The following MEGF11 variants were observed in gnomAD, a reference collection of about 807,000 sequenced individuals.
The protein encoded by MEGF11 is multiple epidermal growth factor-like domains protein 11.
A neutral mutation model predicts 146.6 loss-of-function variants in MEGF11; 126 were observed. The ratio of observed to expected loss-of-function variants is 0.86; its 90% CI spans 0.74 to 1.00. MEGF11 has a LOEUF of 1.00. MEGF11 is among the 50% of genes least tolerant of loss of function. The pLI is 0.00. For missense variants in MEGF11, 1,509 were observed against 1,521.2 expected (o/e 0.99, Z 0.13); for synonymous variants, 532 against 583.4 (o/e 0.91, Z 1.27).
Position 65,965,081 on chromosome 15 carries a change from C to G in MEGF11, c.939G>C (p.Gln313His). 6.3e-7 allele frequency: 1 copy of G among 1,597,222 alleles called. No individual in the cohort carries two copies. ...EECPFGSFGF[Q>H]CSQHCDCHNG... is the part of the protein sequence containing the mutation. ...TGTGGCAGTCACAGTGCTGTGAGCA[C>G]TGGAAGCCGAAGGACCCGAAGGGGC... Residue 313 changes from glutamine to histidine, a missense_variant, in exon 9 of 26, where the codon CAG (glutamine) becomes CAC (histidine). Transcript: ENST00000395614.
At chr15:66,116,044 G>A (rs373122441) in intron 4 of MEGF11, among the ~76,000 whole-genome samples, 1 of 152,092 alleles carries the variant, frequency 6.6e-6, no homozygotes, top group African/African-American at 2.4e-5. Flanking sequence ...TGCACCTCCC[G>A]CTGCAGCCCA....
At position 65,910,025 on chromosome 15, in the gene MEGF11, C is replaced by G. The variant is rs995398494; in HGVS notation, c.2830-219G>C. ...AACATACCCCACCCCAGCTGTTGGG[C>G]TGAAGTTGTAGGGTTCCCAGGCCTC... is the stretch of plus-strand genomic sequence containing the variant. On this transcript the variant is annotated intron_variant, in intron 21 of 25. Transcript: ENST00000395614. 13 of 676,660 alleles carry G rather than the reference C, an allele frequency of 1.9e-5. No homozygotes were observed. The African/African-American group carries it at 1.9e-4, about 10-fold the overall frequency. The allele number at this position is 676,660 out of a possible 1,614,324, so 41.9% of individuals were successfully genotyped here. A position where few individuals can be genotyped will look rare whatever the true frequency, so the allele number is the denominator to read the frequency against.
chr15:66,033,335 T>C (rs1377390423), intron 5 of MEGF11, among the ~76,000 whole-genome samples: 1 of 152,154 alleles, frequency 6.6e-6, no homozygotes, highest in Non-Finnish European at 1.5e-5. Flanking sequence ...AGAATGGTTT[T>C]GGGGGAAGGG....
intron 5 of MEGF11, among the ~76,000 whole-genome samples, chr15:66,058,763 G>A (rs1375543339): frequency 1.3e-5 from 2 of 152,170 alleles, no homozygotes; most frequent in African/African-American, 4.8e-5. Context: ...TACCAGGAAG[G>A]AGGAGGAGGA....
chr15:65,916,154 C>G lies in MEGF11; in HGVS notation c.2338G>C (p.Glu780Gln). ...AGGGGTCAGGGCAGCTTACTCTGCT[C>G]ACAGTGTTGCCCGGTGAAGCCTGTG... Reference protein sequence around the residue: ...CRTGFTGQHCEQRCAPGTFGY... With the variant: ...CRTGFTGQHCQQRCAPGTFGY... The change falls in exon 18 of 26, where the codon GAG becomes CAG. Residue 780 changes from glutamate (E) to glutamine (Q), a missense_variant. Transcript: ENST00000395614. 3 of 1,589,690 alleles carry G rather than the reference C, an allele frequency of 1.9e-6. No individual in the cohort carries two copies. Among genetic ancestry groups the G allele is most frequent in the Non-Finnish European group, 2.6e-6 (3 of 1,167,430 alleles).
At chr15:66,059,909 C>G (rs1239309761) in intron 5 of MEGF11, among the ~76,000 whole-genome samples, 3 of 152,134 alleles carry the variant, frequency 2.0e-5, no homozygotes, top group Non-Finnish European at 4.4e-5. Context: ...CGAAAAACAA[C>G]CACACCTCCT....
chr15:66,059,715 C>A (rs2084825805), intron 5 of MEGF11, among the ~76,000 whole-genome samples: 1 of 152,078 alleles, frequency 6.6e-6, no homozygotes. Flanking sequence ...CCCCATTTGT[C>A]AGGGCCAGAA....
chr15:66,156,556 C>T (rs140469286), intron 1 of MEGF11, among the ~76,000 whole-genome samples: 136 of 152,062 alleles, frequency 8.9e-4, no homozygotes, highest in Non-Finnish European at 1.6e-3. Flanking sequence ...CGGCAGAGCC[C>T]GGCCCCCGAG....
intron 1 of MEGF11, among the ~76,000 whole-genome samples, chr15:66,221,889 GC>G (rs139859196): frequency 0.088 from 13,367 of 152,038 alleles, 635 homozygotes; most frequent in African/African-American, 0.11. Context: ...CATAAAAGCT[GC>G]CCCTGCTAAC....
intron 1 of MEGF11, among the ~76,000 whole-genome samples, chr15:66,155,821 C>T (rs2089735670): frequency 6.6e-6 from 1 of 152,210 alleles, no homozygotes; most frequent in Non-Finnish European, 1.5e-5. Context: ...TTCCCCACTC[C>T]ACTGCTGCAG....
chr15:66,154,102 C>A (rs947314259), intron 1 of MEGF11, among the ~76,000 whole-genome samples: 1 of 151,816 alleles, frequency 6.6e-6, no homozygotes, highest in Non-Finnish European at 1.5e-5. Flanking sequence ...ACAAAAAAAA[C>A]CCTTCTCTGA....
chr15:65,937,537 C>G (rs2079834720), intron 10 of MEGF11, among the ~76,000 whole-genome samples: 1 of 152,244 alleles, frequency 6.6e-6, no homozygotes, highest in African/African-American at 2.4e-5. Context: ...CAACTTCTCA[C>G]CACTAAGGAC....
chr15:66,163,358 T>C (rs1050571568), intron 1 of MEGF11, among the ~76,000 whole-genome samples: 3 of 152,070 alleles, frequency 2.0e-5, no homozygotes, highest in African/African-American at 7.2e-5. Context: ...CTAAACAAGA[T>C]GGAAACCCTA....
At chr15:66,153,500 G>A (rs1409146985) in intron 1 of MEGF11, among the ~76,000 whole-genome samples, 3 of 152,100 alleles carry the variant, frequency 2.0e-5, no homozygotes, top group Non-Finnish European at 4.4e-5. Context: ...TTGAACCAGG[G>A]AGGCAGAGGT....
chr15:66,092,783 G>T lies in MEGF11; in HGVS notation c.394+1619C>A, dbSNP rs532182705. 4.6e-5 allele frequency among the ~76,000 whole-genome samples: 7 copies of T among 152,246 alleles called. 1 individual carries two copies. Among genetic ancestry groups the T allele is most frequent in the African/African-American group, 7.2e-5 (3 of 41,536 alleles). ...TTTCTATATACTCAGGGCCCCGGGG[G>T]ACCCAGGCTGTATTTCAACCTCCAA... On this transcript the variant is annotated intron_variant, in intron 5 of 25. Coordinates refer to ENST00000395614, the MANE Select transcript of MEGF11 (RefSeq NM_001385028.1).
intron 4 of MEGF11, among the ~76,000 whole-genome samples, chr15:66,101,565 G>C (rs978760505): frequency 1.3e-5 from 2 of 152,102 alleles, no homozygotes; most frequent in African/African-American, 4.8e-5. Context: ...TCTACTACTT[G>C]TCTGTCTTCC....
chr15:66,212,139 A>G (rs1309071286), intron 1 of MEGF11, among the ~76,000 whole-genome samples: 2 of 146,868 alleles, frequency 1.4e-5, no homozygotes, highest in African/African-American at 5.0e-5. Context: ...ACCCAAAGAC[A>G]GAAAGCAAGG....
intron 21 of MEGF11, 123 bp from the exon 22 acceptor site, chr15:65,909,929 C>T (rs556841046): frequency 3.8e-5 from 32 of 853,100 alleles, no homozygotes; most frequent in South Asian, 1.1e-4. Flanking sequence ...GGTCCTAGGC[C>T]GTTGAGAGAA....
At chr15:66,046,463 A>G (rs1431725855) in intron 5 of MEGF11, among the ~76,000 whole-genome samples, 1 of 152,216 alleles carries the variant, frequency 6.6e-6, no homozygotes, top group Non-Finnish European at 1.5e-5. Context: ...TTTAGAGCTC[A>G]GCTGAAGCCG....
Sources: gnomAD v4.1 joint callset for allele counts (sites outside exome capture counted in the v4.1 genomes callset) on GRCh38, gnomAD v4.1.1 for gene constraint, MANE v1.5 for transcripts, NCBI Gene and HGNC (gene_info 2026-07-23, HGNC 2026-07-21) for gene names.